Variants in LGSN observed in about 807,000 individuals in gnomAD.
LGSN encodes lengsin, lens protein with glutamine synthetase domain.
Under a neutral mutation model 19.5 loss-of-function variants are expected in LGSN, and 21 were observed. The ratio of observed to expected loss-of-function variants is 1.07; its 90% confidence interval spans 0.76 to 1.55. The LOEUF (loss-of-function observed/expected upper bound fraction) is 1.55, where lower values mean the gene tolerates loss of function less well. Among genes scored for constraint, LGSN ranks in the 40% most tolerant of loss-of-function variants. The pLI is 0.00. For missense variants in LGSN, 673 were observed against 608.5 expected (o/e 1.11, Z -1.12); for synonymous variants, 257 against 215.6 (o/e 1.19, Z -1.68).
the LGSN span, among the ~76,000 whole-genome samples, chr6:63,399,038 C>T: frequency 6.6e-6 from 1 of 152,140 alleles, no homozygotes; most frequent in South Asian, 2.1e-4. Context: ...AACTCCTAGG[C>T]TCCAGTGGTC....
At chr6:63,524,684 C>T in the LGSN span, among the ~76,000 whole-genome samples, 2 of 152,068 alleles carry the variant, frequency 1.3e-5, no homozygotes, top group Non-Finnish European at 2.9e-5. Flanking sequence ...AAGAGAAATG[C>T]AAAGTGTTAT....
chr6:63,441,342 G>A, the LGSN span: 2 of 475,936 alleles, frequency 4.2e-6, no homozygotes, highest in South Asian at 1.9e-5. Context: ...CCAGCACCTG[G>A]CTCTCCTCAA....
chr6:63,449,968 T>A, the LGSN span, among the ~76,000 whole-genome samples: 1 of 152,060 alleles, frequency 6.6e-6, no homozygotes, highest in Non-Finnish European at 1.5e-5. Flanking sequence ...GAAGCATGTA[T>A]CTGAATGTGT....
chr6:63,402,279 C>A, the LGSN span, among the ~76,000 whole-genome samples: 1 of 152,160 alleles, frequency 6.6e-6, no homozygotes, highest in East Asian at 1.9e-4. Flanking sequence ...TAGCCAGAAG[C>A]AAGCTTGGAG....
At chr6:63,416,029 TGAGAA>T in the LGSN span, among the ~76,000 whole-genome samples, 18 of 152,080 alleles carry the variant, frequency 1.2e-4, no homozygotes, top group East Asian at 7.7e-4. Context: ...TCCTGACCAT[TGAGAA>T]GAGAAGACAG....
chr6:63,411,175 T>C, the LGSN span, among the ~76,000 whole-genome samples: 6 of 152,202 alleles, frequency 3.9e-5, no homozygotes, highest in Admixed American at 6.5e-5. Flanking sequence ...TAATATTGAC[T>C]GTCCCAAAGA....
At chr6:63,288,222 A>G (rs1004877697) in intron 2 of LGSN, among the ~76,000 whole-genome samples, 4 of 140,034 alleles carry the variant, frequency 2.9e-5, no homozygotes, top group Non-Finnish European at 6.2e-5. Context: ...GTGAGACTCC[A>G]TCTCAAAAAA....
At chr6:63,312,385 A>G (rs1049141070) in intron 1 of LGSN, among the ~76,000 whole-genome samples, 1 of 152,206 alleles carries the variant, frequency 6.6e-6, no homozygotes, top group African/African-American at 2.4e-5. Context: ...TAAGTCTCCA[A>G]TGAAAGTAGA....
intron 2 of LGSN, among the ~76,000 whole-genome samples, chr6:63,294,271 A>G (rs1376327485): frequency 6.6e-6 from 1 of 152,026 alleles, no homozygotes; most frequent in Non-Finnish European, 1.5e-5. Context: ...GGAGGCAGAG[A>G]TTGCAGTGAG....
chr6:63,492,308 C>T, the LGSN span, among the ~76,000 whole-genome samples: 1 of 152,162 alleles, frequency 6.6e-6, no homozygotes, highest in Admixed American at 6.6e-5. Context: ...CCTGTCCTTT[C>T]TGCAGCTGTT....
At chr6:63,527,483 T>C in the LGSN span, among the ~76,000 whole-genome samples, 1 of 152,182 alleles carries the variant, frequency 6.6e-6, no homozygotes, top group Non-Finnish European at 1.5e-5. Context: ...TCTCAAAAGC[T>C]TTTCAAAATG....
Position 63,280,757 on chromosome 6 carries a change from T to C in LGSN, c.794A>G (p.Gln265Arg). The change falls in exon 4 of 4, where the codon CAG (glutamine) becomes CGG (arginine). Residue 265 changes from glutamine (Q) to arginine (R), a missense_variant. Coordinates refer to ENST00000370657, the MANE Select transcript of LGSN (RefSeq NM_016571.3). ...TTCAGGCAGGAAAGAGATTTCCATC[T>C]GACCAGGCCTGGTAGAGGAGGAAAA... Reference protein sequence around the residue: ...ESFSSSTRPGQMEISFLPEFG... With the variant: ...ESFSSSTRPGRMEISFLPEFG... The C allele has an allele frequency of 6.2e-7, 1 of 1,614,168 alleles. No homozygotes were observed. The highest frequency in any genetic ancestry group is 1.3e-5 in the African/African-American group (1 of 75,066).
At chr6:63,564,148 G>T in the LGSN span, among the ~76,000 whole-genome samples, 2 of 151,904 alleles carry the variant, frequency 1.3e-5, no homozygotes, top group African/African-American at 4.8e-5. Flanking sequence ...GGTGGCAGGT[G>T]CCTGGTAATC....
chr6:63,546,427 C>T, the LGSN span, among the ~76,000 whole-genome samples: 2 of 152,092 alleles, frequency 1.3e-5, no homozygotes, highest in Admixed American at 6.6e-5. Context: ...AACATTTGGC[C>T]GGGTGCGGTG....
chr6:63,353,000 T>C, the LGSN span, among the ~76,000 whole-genome samples: 1 of 152,242 alleles, frequency 6.6e-6, no homozygotes, highest in South Asian at 2.1e-4. Flanking sequence ...TGTCTTTCTC[T>C]GTAACGCTGA....
chr6:63,540,877 C>T, the LGSN span, among the ~76,000 whole-genome samples: 1 of 151,218 alleles, frequency 6.6e-6, no homozygotes, highest in Non-Finnish European at 1.5e-5. Flanking sequence ...GTGGCGGTCA[C>T]CTATAATCCC....
chr6:63,295,134 A>G (rs1767934609), intron 1 of LGSN, 89 bp from the exon 2 acceptor site: 2 of 1,200,068 alleles, frequency 1.7e-6, no homozygotes, highest in Non-Finnish European at 2.4e-6. Flanking sequence ...GAATAGCTCA[A>G]TTTTTTAATG....
the LGSN span, among the ~76,000 whole-genome samples, chr6:63,455,245 G>A: frequency 6.6e-6 from 1 of 152,136 alleles, no homozygotes; most frequent in Non-Finnish European, 1.5e-5. Context: ...CAGGAATATG[G>A]GACTTCACTC....
chr6:63,470,123 G>C, the LGSN span, among the ~76,000 whole-genome samples: 1 of 152,050 alleles, frequency 6.6e-6, no homozygotes, highest in Non-Finnish European at 1.5e-5. Context: ...GGAGGAGACA[G>C]AGAAAAAGAG....
Sources: gnomAD v4.1 joint callset for allele counts (sites outside exome capture counted in the v4.1 genomes callset) on GRCh38, gnomAD v4.1.1 for gene constraint, MANE v1.5 for transcripts, NCBI Gene and HGNC (gene_info 2026-07-23, HGNC 2026-07-21) for gene names.